TYRO3: variants seen among roughly 807,000 people sequenced by gnomAD.
TYRO3 encodes the protein tyrosine-protein kinase receptor TYRO3.
In TYRO3, 38 loss-of-function variants were observed where a neutral mutation model predicts 95.2. The observed-to-expected ratio is 0.40, with a 90% CI of 0.31 to 0.52. TYRO3 has a LOEUF of 0.52. TYRO3 is among the 20% of genes least tolerant of loss of function. TYRO3 has a pLI of 0.56. For synonymous variants in TYRO3, 367 were observed against 432.9 expected (o/e 0.85, Z 1.89); for missense variants, 812 against 1,116.4 (o/e 0.73, Z 3.89).
intron 6 of TYRO3, among the ~76,000 whole-genome samples, chr15:41,566,654 C>A (rs1478998408): frequency 6.6e-6 from 1 of 152,186 alleles, no homozygotes; most frequent in East Asian, 1.9e-4. Flanking sequence ...ATTGTCCACG[C>A]CTGTGCACAT....
intron 15 of TYRO3, among the ~76,000 whole-genome samples, 194 bp downstream of exon 15, chr15:41,572,758 T>C (rs977368876): frequency 6.6e-6 from 1 of 152,186 alleles, no homozygotes; most frequent in Non-Finnish European, 1.5e-5. Context: ...CTGAGAAATA[T>C]AGGCTGGGCA....
At position 41,572,996 on chromosome 15, in the gene TYRO3, C is replaced by G; in HGVS notation, c.1876-6C>G. The G allele has an allele frequency of 1.2e-6, 2 of 1,613,026 alleles. No homozygotes were observed. Among genetic ancestry groups the G allele is most frequent in the Non-Finnish European group, 1.7e-6 (2 of 1,179,256 alleles). Reference sequence around the variant, plus strand: ...TAAGCCTGAGCTTGGCCTGTCTGTCCACTAGAACCTACCCCTCCAGACCCT... The same window carrying G: ...TAAGCCTGAGCTTGGCCTGTCTGTCGACTAGAACCTACCCCTCCAGACCCT... On this transcript the variant is annotated splice_region_variant and splice_polypyrimidine_tract_variant and intron_variant, in intron 15 of 18. Transcript: ENST00000263798.
intron 18 of TYRO3, chr15:41,577,322 ATT>A (rs1363368483): frequency 6.6e-6 from 1 of 151,840 alleles, no homozygotes; most frequent in African/African-American, 2.4e-5. Context: ...TAATTAATTT[ATT>A]TGTTTGTTTA....
rs1417274526 is a variant in TYRO3, at chr15:41,579,674, C to T, written c.*1398C>T. 6.6e-6 allele frequency: 1 copy of T among 150,924 alleles called. No individual in the cohort carries two copies. The highest frequency in any genetic ancestry group is 1.5e-5 in the Non-Finnish European group (1 of 67,786). 9.3% of individuals were successfully genotyped at this position (150,924 alleles called of 1,614,324 possible). A position where few individuals can be genotyped will look rare whatever the true frequency, so the allele number is the denominator to read the frequency against. ...CCCAGCTTTGTCTCTTAAATGTTTA[C>T]TTTTTTTGAGATCACAAAGATGAAA... is the stretch of plus-strand genomic sequence containing the variant. On this transcript the variant is annotated 3_prime_UTR_variant, in exon 19 of 19. Transcript: ENST00000263798.
intron 3 of TYRO3, chr15:41,562,321 C>A: frequency 1.6e-5 from 4 of 256,118 alleles, no homozygotes; most frequent in Non-Finnish European, 1.3e-5. Context: ...GACCTCCCCG[C>A]GACCAATCTC....
In TYRO3 at chr15:41,573,461, T is replaced by C; in HGVS notation, c.2139T>C (p.Ser713=). ...CCGACAACCTGTATACTGTGCAGAG[T>C]GACGTGGTGAGCAGGGTGGCCCGTG... ...SLADNLYTVQ[S]DVWAFGVTMW... is the part of the protein sequence containing the mutation. The change falls in exon 17 of 19, where the codon AGT becomes AGC. Residue 713 remains serine, a synonymous_variant. Coordinates refer to ENST00000263798, the MANE Select transcript of TYRO3 (RefSeq NM_006293.4). 6.2e-7 allele frequency: 1 copy of C among 1,614,020 alleles called. No homozygotes were observed. Among genetic ancestry groups the C allele is most frequent in the Non-Finnish European group, 8.5e-7 (1 of 1,179,984 alleles).
rs957460431 is a variant in TYRO3, at chr15:41,571,266, C to G, written c.1660+148C>G. On this transcript the variant is annotated intron_variant, in intron 13 of 18. Coordinates refer to ENST00000263798, the MANE Select transcript of TYRO3 (RefSeq NM_006293.4). Reference sequence around the variant, plus strand: ...GATGCTCTTTACCACACGAATAATTCACAAGCATAAACCCAAACATACATA... The same window carrying G: ...GATGCTCTTTACCACACGAATAATTGACAAGCATAAACCCAAACATACATA... 12 of 758,280 alleles carry G rather than the reference C, an allele frequency of 1.6e-5. No individual in the cohort carries two copies. In the East Asian group the frequency reaches 2.5e-4, roughly 16 times the overall value. 47.0% of individuals were successfully genotyped at this position (758,280 alleles called of 1,614,324 possible). A position where few individuals can be genotyped will look rare whatever the true frequency, so the allele number is the denominator to read the frequency against.
chr15:41,568,817 G>A (rs751841011), intron 8 of TYRO3, 61 bp from the exon 9 acceptor site: 162 of 1,569,366 alleles, frequency 1.0e-4, no homozygotes, highest in Middle Eastern at 2.3e-4. Context: ...CTGTCCTCAG[G>A]CCCCAGCTGG....
intron 12 of TYRO3, 127 bp from the exon 13 acceptor site, chr15:41,570,911 G>A: frequency 9.1e-7 from 1 of 1,100,526 alleles, no homozygotes; most frequent in Non-Finnish European, 1.4e-6. Flanking sequence ...TTTGGCTACT[G>A]GCAAGGGTGC....
At chr15:41,559,857 C>T (rs2052141164) in intron 1 of TYRO3, among the ~76,000 whole-genome samples, 1 of 152,256 alleles carries the variant, frequency 6.6e-6, no homozygotes, top group Admixed American at 6.5e-5. Context: ...CAAATGGGCA[C>T]ACTCGAGTTC....
rs777115395 is a variant in TYRO3 at position 41,570,280 on chromosome 15, G to T, written c.1423G>T (p.Val475Phe). ...TGTCATGGCCCGGGGAGAGCCAGCC[G>T]TTCACTTCCGGGCAGCCCGGTCCTT... Reference protein sequence around the residue: ...DSVMARGEPAVHFRAARSFNR... With the variant: ...DSVMARGEPAFHFRAARSFNR... The change falls in exon 11 of 19, where the codon GTT (valine) becomes TTT (phenylalanine). Residue 475 changes from valine (V) to phenylalanine (F), a missense_variant. Physicochemically the swap from Val to Phe is conservative, Grantham distance 50. Coordinates refer to ENST00000263798, the MANE Select transcript of TYRO3 (RefSeq NM_006293.4). 1.9e-6 allele frequency: 3 copies of T among 1,614,038 alleles called. No homozygotes were observed. The highest frequency in any genetic ancestry group is 2.5e-6 in the Non-Finnish European group (3 of 1,180,042).
rs1376849711 is a variant in TYRO3, at chr15:41,580,740, CTT to C, written c.*2465_*2466del. The C allele has an allele frequency of 2.0e-5, 3 of 151,816 alleles. No homozygotes were observed. The highest frequency in any genetic ancestry group is 7.3e-5 in the African/African-American group (3 of 41,314). The allele number at this position is 151,816 out of a possible 1,614,324, so 9.4% of individuals were successfully genotyped here. A position where few individuals can be genotyped will look rare whatever the true frequency, so the allele number is the denominator to read the frequency against. On this transcript the variant is annotated 3_prime_UTR_variant, in exon 19 of 19. Coordinates refer to ENST00000263798, the MANE Select transcript of TYRO3 (RefSeq NM_006293.4). Reference sequence around the variant, plus strand: ...CTGTCTCCCAGGTTTAATCAAGTCTCTTGTCTTGGCTTCCCGAGTAGTTGGGA... The same window carrying C: ...CTGTCTCCCAGGTTTAATCAAGTCTCGTCTTGGCTTCCCGAGTAGTTGGGA...
intron 4 of TYRO3, among the ~76,000 whole-genome samples, chr15:41,563,461 G>T (rs2055682376): frequency 6.6e-6 from 1 of 152,220 alleles, no homozygotes; most frequent in Admixed American, 6.5e-5. Flanking sequence ...AGGTTCTCCA[G>T]CAATTTGAAT....
At chr15:41,560,989 C>A in intron 1 of TYRO3, 138 bp from the exon 2 acceptor site, 2 of 1,064,020 alleles carry the variant, frequency 1.9e-6, no homozygotes, top group Non-Finnish European at 2.8e-6. Flanking sequence ...TCCACACTGT[C>A]CTACCTCTGC....
chr15:41,578,157 A>T lies in TYRO3; in HGVS notation c.2554A>T (p.Thr852Ser). 6.2e-7 allele frequency: 1 copy of T among 1,613,084 alleles called. No homozygotes were observed. Residue 852 changes from threonine (T) to serine (S), a missense_variant, in exon 19 of 19, where the codon ACC becomes TCC. Physicochemically the swap from Thr to Ser is moderately conservative, Grantham distance 58 (BLOSUM62 1). Transcript: ENST00000263798. ...TCCCAGTGACTGTCGGTACATACTC[A>T]CCCCCGGAGGGCTGGCTGAGCAGCC... ...GTPSDCRYIL[T>S]PGGLAEQPGQ...
Position 41,578,541 on chromosome 15 carries a change from C to T in TYRO3, c.*265C>T. ...TGGTTGTCTGAACCCAGGCAGCTGG[C>T]AGGAGTGGGGTGGTTATGTTTCCAT... On this transcript the variant is annotated 3_prime_UTR_variant, in exon 19 of 19. Coordinates refer to ENST00000263798, the MANE Select transcript of TYRO3 (RefSeq NM_006293.4). The T allele has an allele frequency of 1.8e-6, 1 of 543,726 alleles. No homozygotes were observed. The allele number at this position is 543,726 out of a possible 1,614,324, so 33.7% of individuals were successfully genotyped here. A position where few individuals can be genotyped will look rare whatever the true frequency, so the allele number is the denominator to read the frequency against.
At chr15:41,564,665 G>GA (rs1410291394) in intron 5 of TYRO3, 14 of 372,168 alleles carry the variant, frequency 3.8e-5, no homozygotes, top group Non-Finnish European at 7.1e-5. Context: ...GAGGGGGAGG[G>GA]AGAGGGTGTC....
chr15:41,563,944 T>G (rs1408466256), intron 4 of TYRO3, among the ~76,000 whole-genome samples: 2 of 152,152 alleles, frequency 1.3e-5, no homozygotes, highest in Non-Finnish European at 2.9e-5. Context: ...TGCCGTGCAC[T>G]TGACACACAT....
intron 3 of TYRO3, chr15:41,561,875 C>G: frequency 5.0e-6 from 2 of 399,706 alleles, no homozygotes; most frequent in Non-Finnish European, 9.1e-6. Flanking sequence ...AGTCTGTTTC[C>G]GTTGCTTGAG....
Sources: allele counts gnomAD v4.1 joint callset (sites outside exome capture counted in the v4.1 genomes callset), GRCh38; gene constraint gnomAD v4.1.1; transcripts MANE v1.5; gene names NCBI Gene and HGNC (gene_info 2026-07-23, HGNC 2026-07-21).